RBFOX1: variants seen among roughly 807,000 people sequenced by gnomAD.
RBFOX1 encodes the protein RNA binding protein fox-1 homolog 1.
RBFOX1 carries 8 observed loss-of-function variants against 57.7 expected under a neutral mutation model. The observed-to-expected ratio is 0.14, with a 90% CI of 0.08 to 0.25. The LOEUF is 0.25. Among genes scored for constraint, RBFOX1 ranks in the 10% least tolerant of loss-of-function variants. RBFOX1 has a pLI of 1.00. For synonymous variants in RBFOX1, 326 were observed against 222.4 expected (o/e 1.47, Z -4.15); for missense variants, 611 against 548.5 (o/e 1.11, Z -1.14).
At chr16:7,424,314 C>T (rs1274917319) in intron 4 of RBFOX1, among the ~76,000 whole-genome samples, 1 of 152,022 alleles carries the variant, frequency 6.6e-6, no homozygotes, top group Admixed American at 6.6e-5. Context: ...GGCTGGAGTG[C>T]AGTGATGCAA....
chr16:7,083,996 C>G (rs796446361), intron 4 of RBFOX1, among the ~76,000 whole-genome samples: 11 of 152,252 alleles, frequency 7.2e-5, no homozygotes, highest in African/African-American at 2.6e-4. Context: ...TCTTGATACC[C>G]TGTGACCTGT....
At chr16:7,708,973 G>C (rs1395665782) in intron 14 of RBFOX1, 83 bp from the exon 15 acceptor site, 20 of 1,333,768 alleles carry the variant, frequency 1.5e-5, no homozygotes, top group East Asian at 4.6e-5. Context: ...CCTGCATACT[G>C]TCTTGGTATT....
chr16:6,600,418 G>A (rs934969279), intron 2 of RBFOX1, among the ~76,000 whole-genome samples: 3 of 152,110 alleles, frequency 2.0e-5, no homozygotes, highest in African/African-American at 7.2e-5. Context: ...TTCAAAAGAT[G>A]ACCTCTCATT....
At chr16:5,960,762 A>G (rs1429972447) in intron 4 of RBFOX1, among the ~76,000 whole-genome samples, 1 of 152,190 alleles carries the variant, frequency 6.6e-6, no homozygotes, top group African/African-American at 2.4e-5. Flanking sequence ...AACACAGTGA[A>G]AAGCCAAACA....
intron 14 of RBFOX1, among the ~76,000 whole-genome samples, chr16:7,688,508 C>A (rs1450547820): frequency 6.6e-6 from 1 of 152,044 alleles, no homozygotes; most frequent in East Asian, 1.9e-4. Context: ...TCTAGCATCT[C>A]ATGTCCCCTC....
intron 14 of RBFOX1, among the ~76,000 whole-genome samples, chr16:7,677,305 C>T (rs1370280672): frequency 6.6e-6 from 1 of 152,162 alleles, no homozygotes; most frequent in Non-Finnish European, 1.5e-5. Context: ...AAATCATTCC[C>T]TCCATTGCAT....
At position 7,579,909 on chromosome 16, in the gene RBFOX1, C is replaced by G. The variant is rs780063240; in HGVS notation, c.403C>G (p.Gln135Glu). Reference protein sequence around the residue: ...PFRFRDPDLRQMFGQFGKILD... With the variant: ...PFRFRDPDLREMFGQFGKILD... ...CAGGTTCCGGGATCCGGACCTCAGACAAATGTTTGGTGTAAGTATCACCTT... is the reference window on the plus strand; with the variant it reads ...CAGGTTCCGGGATCCGGACCTCAGAGAAATGTTTGGTGTAAGTATCACCTT... Residue 135 changes from glutamine to glutamate, a missense_variant, in exon 6 of 16, where the codon CAA becomes GAA. Around this residue, in one of 3 missense-constraint regions of RBFOX1, gnomAD observed 99 missense variants for 160.3 expected, o/e 0.62. Coordinates refer to ENST00000550418, the MANE Select transcript of RBFOX1 (RefSeq NM_018723.4). 1.2e-6 allele frequency: 2 copies of G among 1,614,052 alleles called. No individual in the cohort carries two copies. The highest frequency in any genetic ancestry group is 1.7e-6 in the Non-Finnish European group (2 of 1,179,962).
At chr16:6,954,907 C>G (rs890652730) in intron 3 of RBFOX1, among the ~76,000 whole-genome samples, 6 of 151,970 alleles carry the variant, frequency 3.9e-5, no homozygotes, top group Admixed American at 2.0e-4. Context: ...GGTAATTATC[C>G]TAAACTTATT....
At chr16:7,426,707 G>A (rs2098618408) in intron 4 of RBFOX1, among the ~76,000 whole-genome samples, 1 of 152,154 alleles carries the variant, frequency 6.6e-6, no homozygotes, top group African/African-American at 2.4e-5. Flanking sequence ...TCTGTCCTGT[G>A]GAAGGTCCTG....
At chr16:5,328,025 A>T (rs1415724366) in intron 1 of RBFOX1, among the ~76,000 whole-genome samples, 1 of 152,154 alleles carries the variant, frequency 6.6e-6, no homozygotes, top group East Asian at 1.9e-4. Flanking sequence ...GTAGTGACTG[A>T]AAGTCCTAAA....
At position 7,088,351 on chromosome 16, in the gene RBFOX1, A is replaced by T. The variant is rs77293349; in HGVS notation, c.27+36253A>T. 4.9e-3 allele frequency among the ~76,000 whole-genome samples: 753 copies of T among 152,250 alleles called. 15 individuals are homozygous for T. The East Asian group carries it at 0.058, about 12-fold the overall frequency. On this transcript the variant is annotated intron_variant, in intron 4 of 15. Transcript: ENST00000550418. Reference sequence around the variant, plus strand: ...TTGTTTTTGTTTCTGTTTCTCTCTCACAAGTGACTACTTATTTGTCATTTT... The same window carrying T: ...TTGTTTTTGTTTCTGTTTCTCTCTCTCAAGTGACTACTTATTTGTCATTTT...
chr16:6,861,806 C>G (rs527630474), intron 3 of RBFOX1, among the ~76,000 whole-genome samples: 12 of 147,206 alleles, frequency 8.2e-5, no homozygotes, highest in Admixed American at 1.4e-4. Flanking sequence ...CCCCTCTTTC[C>G]TAGCCAGCGT....
chr16:7,556,701 C>T (rs1261615184), intron 5 of RBFOX1, among the ~76,000 whole-genome samples: 3 of 152,142 alleles, frequency 2.0e-5, no homozygotes, highest in Non-Finnish European at 4.4e-5. Flanking sequence ...ATATGGACCC[C>T]TTCTTAGGCT....
At chr16:7,445,221 T>G (rs566211678) in intron 4 of RBFOX1, among the ~76,000 whole-genome samples, 1 of 152,240 alleles carries the variant, frequency 6.6e-6, no homozygotes, top group Non-Finnish European at 1.5e-5. Flanking sequence ...ACTGCTAGTA[T>G]GAGTATGAGT....
chr16:6,696,242 CACT>C (rs1417515587), intron 3 of RBFOX1, among the ~76,000 whole-genome samples: 1 of 152,000 alleles, frequency 6.6e-6, no homozygotes, highest in Non-Finnish European at 1.5e-5. Context: ...CTGTTTGTAC[CACT>C]ATTACAGGCA....
intron 3 of RBFOX1, among the ~76,000 whole-genome samples, chr16:6,936,363 T>C (rs2077362804): frequency 6.6e-6 from 1 of 152,208 alleles, no homozygotes; most frequent in Admixed American, 6.5e-5. Flanking sequence ...TCAATGAGCA[T>C]AGGCACAAAC....
At chr16:6,886,547 G>A (rs1432221952) in intron 3 of RBFOX1, among the ~76,000 whole-genome samples, 2 of 151,966 alleles carry the variant, frequency 1.3e-5, no homozygotes, top group East Asian at 2.0e-4. Context: ...GAGTTCAGGA[G>A]TTTGAGACTA....
chr16:6,603,900 G>T (rs887077589), intron 2 of RBFOX1, among the ~76,000 whole-genome samples: 1 of 152,110 alleles, frequency 6.6e-6, no homozygotes, highest in Non-Finnish European at 1.5e-5. Context: ...CACACTTTGT[G>T]ATGTGTCTCA....
intron 4 of RBFOX1, among the ~76,000 whole-genome samples, chr16:7,086,735 C>G (rs1357857004): frequency 6.6e-6 from 1 of 152,130 alleles, no homozygotes; most frequent in African/African-American, 2.4e-5. Flanking sequence ...CACACACACA[C>G]ACACACTTTA....
Sources: gnomAD v4.1 joint callset for allele counts (sites outside exome capture counted in the v4.1 genomes callset) on GRCh38, gnomAD v4.1.1 for gene constraint, gnomAD v4.1.1 regional missense constraint, MANE v1.5 for transcripts, NCBI Gene and HGNC (gene_info 2026-07-23, HGNC 2026-07-21) for gene names.